The following ANXA3 variants were observed in gnomAD, a reference collection of about 807,000 sequenced individuals.
The protein encoded by ANXA3 is annexin A3.
Under a neutral mutation model 48.8 loss-of-function variants are expected in ANXA3, and 46 were observed. The observed-to-expected ratio is 0.94, with a 90% CI of 0.74 to 1.21. The LOEUF (loss-of-function observed/expected upper bound fraction) is 1.21. ANXA3 is among the 50% of genes most tolerant of loss of function. The probability of loss-of-function intolerance (pLI) is 0.00; values close to 1 mark genes in which losing one functional copy is unlikely to be tolerated. For synonymous variants in ANXA3, 128 were observed against 134.7 expected, an observed-to-expected ratio of 0.95 and a Z score of 0.35; for missense variants, 383 against 378.6, an observed-to-expected ratio of 1.01 and a Z score of -0.10.
chr4:78,574,065 TA>T (rs1250970694), intron 3 of ANXA3, among the ~76,000 whole-genome samples: 1 of 152,180 alleles, frequency 6.6e-6, no homozygotes, highest in African/African-American at 2.4e-5. Context: ...TAGTCCTATC[TA>T]ACCACCACCA....
chr4:78,600,852 T>G (rs941261375), intron 10 of ANXA3, among the ~76,000 whole-genome samples: 3 of 152,218 alleles, frequency 2.0e-5, no homozygotes, highest in African/African-American at 7.2e-5. Flanking sequence ...AAAGATAATT[T>G]ACTCTTGCGT....
chr4:78,582,414 G>T, intron 5 of ANXA3, 124 bp downstream of exon 5: 1 of 603,822 alleles, frequency 1.7e-6, no homozygotes, highest in Non-Finnish European at 3.0e-6. Flanking sequence ...GACTCTCCCA[G>T]TGGTAGAATG....
intron 2 of ANXA3, among the ~76,000 whole-genome samples, chr4:78,564,081 C>T (rs957415900): frequency 6.6e-6 from 1 of 152,326 alleles, no homozygotes; most frequent in Non-Finnish European, 1.5e-5. Context: ...TATTTATAAT[C>T]TGCTTTAAAC....
chr4:78,598,929 G>C (rs925170713), intron 10 of ANXA3, among the ~76,000 whole-genome samples: 9 of 151,928 alleles, frequency 5.9e-5, no homozygotes, highest in Admixed American at 3.9e-4. Flanking sequence ...TTGTTGAGAT[G>C]TACAAACTCT....
chr4:78,575,075 A>C (rs1722919047), intron 3 of ANXA3, among the ~76,000 whole-genome samples: 1 of 152,214 alleles, frequency 6.6e-6, no homozygotes, highest in Non-Finnish European at 1.5e-5. Context: ...ACAGTATCTT[A>C]TACTGCATGT....
chr4:78,572,493 G>T (rs968838630), intron 2 of ANXA3, among the ~76,000 whole-genome samples: 1 of 152,152 alleles, frequency 6.6e-6, no homozygotes, highest in Admixed American at 6.5e-5. Flanking sequence ...AAAGTTAGGG[G>T]TTTTTCAAGG....
intron 2 of ANXA3, among the ~76,000 whole-genome samples, chr4:78,567,684 T>C (rs1722760485): frequency 6.6e-6 from 1 of 152,248 alleles, no homozygotes; most frequent in South Asian, 2.1e-4. Context: ...AACTTGCAGA[T>C]AAAGGTTAGT....
At chr4:78,609,990 T>C (rs540555695) in intron 12 of ANXA3, 66 bp from the exon 13 acceptor site, 2 of 1,268,738 alleles carry the variant, frequency 1.6e-6, no homozygotes, top group Admixed American at 1.8e-5. Context: ...GCTATAGGAT[T>C]TGATTCATTT....
chr4:78,565,264 G>C (rs72873352), intron 2 of ANXA3, among the ~76,000 whole-genome samples: 2 of 152,148 alleles, frequency 1.3e-5, no homozygotes, highest in Non-Finnish European at 2.9e-5. Flanking sequence ...TTACAGGTGT[G>C]AGTCACCCCA....
At chr4:78,597,196 T>C (rs1578403027) in intron 9 of ANXA3, 123 bp from the exon 10 acceptor site, 4 of 629,816 alleles carry the variant, frequency 6.4e-6, no homozygotes, top group African/African-American at 3.9e-5. Flanking sequence ...CAGATTTTCA[T>C]GGTTTAAAGA....
At chr4:78,606,497 C>T (rs893207798) in intron 12 of ANXA3, among the ~76,000 whole-genome samples, 3 of 152,118 alleles carry the variant, frequency 2.0e-5, no homozygotes, top group African/African-American at 7.2e-5. Context: ...AGCGATGTCC[C>T]CTGGGGACAC....
In ANXA3 at chr4:78,596,009, A is replaced by C; in HGVS notation, c.634+122A>C. On this transcript the variant is annotated intron_variant, in intron 9 of 12. Coordinates refer to ENST00000264908, the MANE Select transcript of ANXA3 (RefSeq NM_005139.3). ...TGCGAAGTCTGTTCCAGTTATTCAC[A>C]CTTCAGGAAACAAAATGGGAAAGCT... 9.6e-6 allele frequency: 6 copies of C among 626,316 alleles called. No homozygotes were observed. In the South Asian group the frequency reaches 1.2e-4, roughly 12 times the overall value. The allele number at this position is 626,316 out of a possible 1,614,324, so 38.8% of individuals were successfully genotyped here.
chr4:78,610,165 C>G lies in ANXA3; in HGVS notation c.*50C>G. 7.6e-7 allele frequency: 1 copy of G among 1,313,952 alleles called. No individual in the cohort carries two copies. The allele number at this position is 1,313,952 out of a possible 1,614,324, so 81.4% of individuals were successfully genotyped here. ...CCACGATGGGCTTTCCCAACAGCTC[C>G]ACCTTACTTCTTCTCATACTATTTA... On this transcript the variant is annotated 3_prime_UTR_variant, in exon 13 of 13. Coordinates refer to ENST00000264908, the MANE Select transcript of ANXA3 (RefSeq NM_005139.3).
intron 6 of ANXA3, among the ~76,000 whole-genome samples, chr4:78,587,299 T>C (rs1723198938): frequency 6.6e-6 from 1 of 152,218 alleles, no homozygotes; most frequent in Non-Finnish European, 1.5e-5. Context: ...CAGGCTGATA[T>C]TGTGGCTCAA....
intron 7 of ANXA3, 33 bp from the exon 8 acceptor site, chr4:78,595,348 A>G: frequency 6.2e-7 from 1 of 1,611,988 alleles, no homozygotes; most frequent in East Asian, 2.2e-5. Flanking sequence ...TCTATCTTTA[A>G]AGGATGGCCC....
At chr4:78,573,157 G>A (rs201433481) in intron 2 of ANXA3, 23 bp from the exon 3 acceptor site, 10 of 1,538,924 alleles carry the variant, frequency 6.5e-6, no homozygotes, top group Non-Finnish European at 8.1e-6. Flanking sequence ...GAACCAATGG[G>A]ACTTTCAAGT....
intron 3 of ANXA3, among the ~76,000 whole-genome samples, chr4:78,574,142 G>T (rs931864419): frequency 9.2e-5 from 14 of 152,144 alleles, no homozygotes; most frequent in Admixed American, 8.5e-4. Flanking sequence ...CCCTTGGTTG[G>T]GCATGGTGGC....
chr4:78,597,474 G>A, intron 10 of ANXA3, 60 bp downstream of exon 10: 2 of 1,148,322 alleles, frequency 1.7e-6, no homozygotes, highest in South Asian at 1.3e-5. Context: ...TCAGTGCCGA[G>A]GCCTGCTCCT....
intron 3 of ANXA3, among the ~76,000 whole-genome samples, chr4:78,577,381 T>C (rs1022436156): frequency 2.0e-5 from 3 of 152,078 alleles, no homozygotes; most frequent in Admixed American, 2.0e-4. Flanking sequence ...GAAAGACAAG[T>C]CAGAGAGGAA....
Sources: gnomAD v4.1 joint callset for allele counts (sites outside exome capture counted in the v4.1 genomes callset) on GRCh38, gnomAD v4.1.1 for gene constraint, MANE v1.5 for transcripts, NCBI Gene and HGNC (gene_info 2026-07-23, HGNC 2026-07-21) for gene names.